Variants in KIF21B observed in about 807,000 individuals in gnomAD.
KIF21B encodes the protein kinesin family member 21B.
A neutral mutation model predicts 192.9 loss-of-function variants in KIF21B; 85 were observed. The ratio of observed to expected loss-of-function variants is 0.44; its 90% CI spans 0.37 to 0.53. The LOEUF (loss-of-function observed/expected upper bound fraction) is 0.53. Ranked by LOEUF, KIF21B falls within the 20% of genes least tolerant of loss-of-function variation. KIF21B has a pLI of 0.00. For synonymous variants in KIF21B, 832 were observed against 884.6 expected, an observed-to-expected ratio of 0.94 and a Z score of 1.05; for missense variants, 1,716 against 2,194.8, an observed-to-expected ratio of 0.78 and a Z score of 4.36.
At position 200,979,527 on chromosome 1, in the gene KIF21B, T is replaced by A. The variant is rs765250946; in HGVS notation, c.4160+8A>T. ...CCGACCACTGTGAGGCAGGCGGGGGTTACTCACGTGAGAGTCCGAATGCAC... is the reference window on the plus strand; with the variant it reads ...CCGACCACTGTGAGGCAGGCGGGGGATACTCACGTGAGAGTCCGAATGCAC... On this transcript the variant is annotated splice_region_variant and intron_variant, in intron 30 of 34. Coordinates refer to ENST00000461742, the MANE Select transcript of KIF21B (RefSeq NM_001252102.2). The A allele has an allele frequency of 2.0e-6, 3 of 1,513,730 alleles. No individual in the cohort carries two copies. The South Asian group carries it at 3.9e-5, about 20-fold the overall frequency. 93.8% of individuals were successfully genotyped at this position (1,513,730 alleles called of 1,614,324 possible).
At chr1:201,007,483 G>C (rs1458789237) in intron 3 of KIF21B, among the ~76,000 whole-genome samples, 4 of 111,432 alleles carry the variant, frequency 3.6e-5, no homozygotes, top group African/African-American at 7.1e-5. Context: ...GAGACACATA[G>C]ACACACACAC....
chr1:200,996,318 G>A lies in KIF21B; in HGVS notation c.2155C>T (p.Arg719Trp). ...GCGGCCTGCAGCTTCTGCAGGTCCC[G>A]GTTCATCTCCCGCAGCCTCTTCTCA... is the stretch of plus-strand genomic sequence containing the variant. The part of the protein sequence containing the change: ...DYEKRLREMN[R>W]DLQKLQAAQK... Residue 719 changes from arginine to tryptophan, a missense_variant, in exon 15 of 35, where the codon CGG becomes TGG. Transcript: ENST00000461742. 3.1e-6 allele frequency: 5 copies of A among 1,614,104 alleles called. No homozygotes were observed. Among genetic ancestry groups the A allele is most frequent in the Non-Finnish European group, 4.2e-6 (5 of 1,180,004 alleles).
In KIF21B at chr1:200,973,453, C is replaced by T. The variant is rs1250353321; in HGVS notation, c.*68G>A. The T allele has an allele frequency of 7.2e-7, 1 of 1,384,604 alleles. No homozygotes were observed. Among genetic ancestry groups the T allele is most frequent in the East Asian group, 3.0e-5 (1 of 33,144 alleles). 85.8% of individuals were successfully genotyped at this position (1,384,604 alleles called of 1,614,324 possible). ...GCAGCTGGCCCCATCGGCCGGGTCA[C>T]AGCTTCCCTTCCATGGTGTCCAGGC... On this transcript the variant is annotated 3_prime_UTR_variant, in exon 35 of 35. Coordinates refer to ENST00000461742, the MANE Select transcript of KIF21B (RefSeq NM_001252102.2).
rs567599649 is a variant in KIF21B, at chr1:200,988,575, T to C, written c.3299-31A>G. 1.2e-5 allele frequency: 18 copies of C among 1,530,434 alleles called. No individual in the cohort carries two copies. In the East Asian group the frequency reaches 3.5e-4, roughly 30 times the overall value. The allele number at this position is 1,530,434 out of a possible 1,614,324, so 94.8% of individuals were successfully genotyped here. The stretch of plus-strand genomic sequence containing the variant: ...GGAGGGCGGGAGGGAGGGAAAGGGG[T>C]TGAGAAGCCCTGTCCAAGTGTCGGG... On this transcript the variant is annotated intron_variant, in intron 22 of 34. Transcript: ENST00000461742.
Position 200,977,447 on chromosome 1 carries a change from C to T in KIF21B, c.4161-71G>A, listed in dbSNP as rs941908355. On this transcript the variant is annotated intron_variant, in intron 30 of 34. Coordinates refer to ENST00000461742, the MANE Select transcript of KIF21B (RefSeq NM_001252102.2). ...TGCACAGTGCAGGAAACCAATAAAA[C>T]GTCACTAAGACCAGCCCAAATAACC... 1.4e-5 allele frequency: 22 copies of T among 1,542,322 alleles called. No homozygotes were observed. In the Admixed American group the frequency reaches 2.8e-4, roughly 19 times the overall value.
Position 200,991,684 on chromosome 1 carries a change from C to A in KIF21B, c.2427G>T (p.Glu809Asp). The change falls in exon 17 of 35, where the codon GAG (glutamate) becomes GAT (aspartate). Residue 809 changes from glutamate (E) to aspartate (D), a missense_variant. Glu to Asp is a conservative substitution (Grantham distance 45, BLOSUM62 2). Transcript: ENST00000461742. The part of the protein sequence containing the change: ...RALESQKRQQ[E>D]MVLRRKTQEV... ...CCTGGGTCTTCCTCCTCAGGACCAT[C>A]TCCTGCTGCCGCTTCTGGGACTCCA... 2 of 1,614,192 alleles carry A rather than the reference C, an allele frequency of 1.2e-6. No homozygotes were observed. The highest frequency in any genetic ancestry group is 1.7e-4 in the Middle Eastern group (1 of 6,030).
intron 5 of KIF21B, 56 bp from the exon 6 acceptor site, chr1:201,004,989 C>T (rs1657719284): frequency 6.4e-7 from 1 of 1,558,904 alleles, no homozygotes; most frequent in Non-Finnish European, 8.7e-7. Context: ...ACTGGCTCCC[C>T]TGATCACAGT....
rs1347008219 is a variant in KIF21B at position 200,999,716 on chromosome 1, A to G, written c.1767+167T>C. On this transcript the variant is annotated intron_variant, in intron 12 of 34. Transcript: ENST00000461742. This position sits in a 1 kb window ranked among gnomAD's most constrained non-coding sequence, Gnocchi z 4.7. Reference sequence around the variant, plus strand: ...GATGAGGTGGGGTCCTAGGGGATGGAGATCACCATGGTAACCAGTCAGAGA... The same window carrying G: ...GATGAGGTGGGGTCCTAGGGGATGGGGATCACCATGGTAACCAGTCAGAGA... 6.6e-6 allele frequency among the ~76,000 whole-genome samples: 1 copy of G among 151,938 alleles called. No homozygotes were observed. The highest frequency in any genetic ancestry group is 1.5e-5 in the Non-Finnish European group (1 of 67,976).
intron 15 of KIF21B, among the ~76,000 whole-genome samples, chr1:200,993,516 G>A (rs116591141): frequency 0.018 from 2,735 of 152,254 alleles, 92 homozygotes; most frequent in African/African-American, 0.062. Context: ...GGAGGCTAAG[G>A]TGGAAGGAAT....
At chr1:201,007,573 CACAG>C (rs1278369027) in intron 3 of KIF21B, among the ~76,000 whole-genome samples, 1 of 150,572 alleles carries the variant, frequency 6.6e-6, no homozygotes, top group Non-Finnish European at 1.5e-5. Context: ...GAGACACACA[CACAG>C]ACACACACAT....
intron 3 of KIF21B, among the ~76,000 whole-genome samples, chr1:201,006,645 G>T (rs892512458): frequency 6.6e-6 from 1 of 152,084 alleles, no homozygotes; most frequent in Admixed American, 6.5e-5. Flanking sequence ...ACCTCTTGTG[G>T]TTCACCCTAT....
In KIF21B at chr1:201,000,626, G is replaced by A. The variant is rs1225954354; in HGVS notation, c.1467-18C>T. ...GCTTAGTCCTGCACAGGAAGAACGA[G>A]TGGACGGGGCCGAGTGAGCTGCCAC... On this transcript the variant is annotated intron_variant, in intron 10 of 34. Coordinates refer to ENST00000461742, the MANE Select transcript of KIF21B (RefSeq NM_001252102.2). This position sits in a 1 kb window ranked among gnomAD's most constrained non-coding sequence, Gnocchi z 6.0. 4 of 1,613,424 alleles carry A rather than the reference G, an allele frequency of 2.5e-6. No individual in the cohort carries two copies. The highest frequency in any genetic ancestry group is 2.2e-5 in the East Asian group (1 of 44,880).
At position 200,975,366 on chromosome 1, in the gene KIF21B, G is replaced by T; in HGVS notation, c.4614+133C>A. On this transcript the variant is annotated intron_variant, in intron 33 of 34. Transcript: ENST00000461742. This position sits in a 1 kb window ranked among gnomAD's most constrained non-coding sequence, Gnocchi z 4.3. The stretch of plus-strand genomic sequence containing the variant: ...GACAGAGGAGGAAGAGGGAGAACAG[G>T]AGGGCTTGGGGAGCTGTGAAAACCA... The T allele has an allele frequency of 1.3e-6, 1 of 749,410 alleles. No homozygotes were observed. The highest frequency in any genetic ancestry group is 2.2e-6 in the Non-Finnish European group (1 of 454,872). 46.4% of individuals were successfully genotyped at this position (749,410 alleles called of 1,614,324 possible).
chr1:201,000,329 CGG>C lies in KIF21B; in HGVS notation c.1685+59_1685+60del. On this transcript the variant is annotated intron_variant, in intron 11 of 34. Coordinates refer to ENST00000461742, the MANE Select transcript of KIF21B (RefSeq NM_001252102.2). This position sits in a 1 kb window ranked among gnomAD's most constrained non-coding sequence, Gnocchi z 6.0. Reference sequence around the variant, plus strand: ...GGTGGGCAGCAGTCCTCCTTGGGGACGGGCAGGGTCCACTGGGGCGGTCTGAG... The same window carrying C: ...GGTGGGCAGCAGTCCTCCTTGGGGACGCAGGGTCCACTGGGGCGGTCTGAG... The C allele has an allele frequency of 6.8e-7, 1 of 1,461,118 alleles. No individual in the cohort carries two copies. The highest frequency in any genetic ancestry group is 9.1e-7 in the Non-Finnish European group (1 of 1,094,878). 90.5% of individuals were successfully genotyped at this position (1,461,118 alleles called of 1,614,324 possible).
Position 200,990,486 on chromosome 1 carries a change from C to T in KIF21B, c.2835+90G>A. On this transcript the variant is annotated intron_variant, in intron 19 of 34. Transcript: ENST00000461742. The surrounding 1 kb of genome is among the most constrained non-coding windows in gnomAD (Gnocchi z 5.4). ...GCAAAAGGAGCAGAGGGAAGTGGGG[C>T]AGGGAAAGGTCTGAAGAGCCAGAGA... The T allele has an allele frequency of 6.6e-7, 1 of 1,522,000 alleles. No individual in the cohort carries two copies. Among genetic ancestry groups the T allele is most frequent in the East Asian group, 2.3e-5 (1 of 44,260 alleles). The allele number at this position is 1,522,000 out of a possible 1,614,324, so 94.3% of individuals were successfully genotyped here.
chr1:200,969,692 C>T lies in KIF21B; in HGVS notation c.*3829G>A, dbSNP rs1274399529. On this transcript the variant is annotated 3_prime_UTR_variant, in exon 35 of 35. Transcript: ENST00000461742. ...TTTGTGGAGGAGTTTCTATTTCCTACTTCCCTGCAAGGCCCTCAGGACATG... is the reference window on the plus strand; with the variant it reads ...TTTGTGGAGGAGTTTCTATTTCCTATTTCCCTGCAAGGCCCTCAGGACATG... 1 of 152,420 alleles carries T rather than the reference C, an allele frequency of 6.6e-6. No individual in the cohort carries two copies. The highest frequency in any genetic ancestry group is 6.5e-5 in the Admixed American group (1 of 15,292). The allele number at this position is 152,420 out of a possible 1,614,324, so 9.4% of individuals were successfully genotyped here.
intron 26 of KIF21B, among the ~76,000 whole-genome samples, chr1:200,986,117 G>A (rs1656287193): frequency 2.0e-5 from 3 of 151,766 alleles, no homozygotes; most frequent in African/African-American, 2.4e-5. Context: ...AAAGTGCTAG[G>A]ATTACTGGCG....
Position 200,984,874 on chromosome 1 carries a change from C to T in KIF21B, c.3788G>A (p.Gly1263Glu), listed in dbSNP as rs1175518505. The T allele has an allele frequency of 6.2e-7, 1 of 1,600,748 alleles. No individual in the cohort carries two copies. Among genetic ancestry groups the T allele is most frequent in the Non-Finnish European group, 8.5e-7 (1 of 1,174,956 alleles). ...CCCTGCTTACTTGTCCAGCGCTGAC[C>T]CCTGGCTCTGATTACTGGTGAGACG... Reference protein sequence around the residue: ...FSRLTSNQSQGSALDKSDDSD... With the variant: ...FSRLTSNQSQESALDKSDDSD... The change falls in exon 27 of 35, where the codon GGG becomes GAG. Residue 1263 changes from glycine (G) to glutamate (E), a missense_variant. By Grantham distance (98) the Gly-to-Glu change is moderately conservative. Around this residue, in one of 3 missense-constraint regions of KIF21B, gnomAD observed 580 missense variants for 775.5 expected, o/e 0.75. Coordinates refer to ENST00000461742, the MANE Select transcript of KIF21B (RefSeq NM_001252102.2).
chr1:200,982,916 G>T lies in KIF21B; in HGVS notation c.3842+140C>A. ...TGGGGGCAGGAACAGGTCTGGAGAG[G>T]GGGGCAGCAGGAAGGGGAGTGGAGG... On this transcript the variant is annotated intron_variant, in intron 28 of 34. Coordinates refer to ENST00000461742, the MANE Select transcript of KIF21B (RefSeq NM_001252102.2). The surrounding 1 kb of genome is among the most constrained non-coding windows in gnomAD (Gnocchi z 4.7). The T allele has an allele frequency of 2.6e-6, 2 of 758,186 alleles. No individual in the cohort carries two copies. Among genetic ancestry groups the T allele is most frequent in the East Asian group, 2.7e-5 (1 of 37,174 alleles). The allele number at this position is 758,186 out of a possible 1,614,324, so 47.0% of individuals were successfully genotyped here. A position where few individuals can be genotyped will look rare whatever the true frequency, so the allele number is the denominator to read the frequency against.
Sources: gnomAD v4.1 joint callset for allele counts (sites outside exome capture counted in the v4.1 genomes callset) on GRCh38, gnomAD v4.1.1 for gene constraint, gnomAD v4.1.1 regional missense constraint, Gnocchi (gnomAD v3.1) non-coding constraint, MANE v1.5 for transcripts, NCBI Gene and HGNC (gene_info 2026-07-23, HGNC 2026-07-21) for gene names.